The following ZNF341 variants were observed in gnomAD, a reference collection of about 807,000 sequenced individuals.
ZNF341 encodes zinc finger protein 341.
Under a neutral mutation model 87.7 loss-of-function variants are expected in ZNF341, and 52 were observed. The observed-to-expected ratio is 0.59, with a 90% CI of 0.47 to 0.75. The LOEUF is 0.75. Among genes scored for constraint, ZNF341 ranks in the 30% least tolerant of loss-of-function variants. ZNF341 has a pLI of 0.00. For missense variants in ZNF341, 977 were observed against 1,145.9 expected (o/e 0.85, Z 2.13); for synonymous variants, 459 against 472.7 (o/e 0.97, Z 0.38).
At chr20:33,739,337 C>CT (rs2018755785) in intron 1 of ZNF341, among the ~76,000 whole-genome samples, 1 of 152,146 alleles carries the variant, frequency 6.6e-6, no homozygotes, top group Non-Finnish European at 1.5e-5. Context: ...CCAGTAAAAG[C>CT]TGAGAGGTTG....
In ZNF341 at chr20:33,770,071, G is replaced by A. The variant is rs145682765; in HGVS notation, c.1414-13G>A. ...TCCTGCCTCCTGTCACCTGCCCAGC[G>A]TCTTCCCTCAAGGTGTACAAGTGTG... On this transcript the variant is annotated splice_polypyrimidine_tract_variant and intron_variant, in intron 9 of 14. Coordinates refer to ENST00000375200, the MANE Select transcript of ZNF341 (RefSeq NM_001282933.2). The A allele has an allele frequency of 4.8e-5, 77 of 1,607,790 alleles. No homozygotes were observed. The African/African-American group carries it at 6.0e-4, about 13-fold the overall frequency.
chr20:33,777,204 TC>T (rs2019645324), intron 10 of ZNF341, among the ~76,000 whole-genome samples: 1 of 143,946 alleles, frequency 6.9e-6, no homozygotes, highest in Non-Finnish European at 1.5e-5. Context: ...ATGCCTGTGG[TC>T]TCAGCTGCTC....
chr20:33,749,377 C>T (rs2019009175), intron 4 of ZNF341, among the ~76,000 whole-genome samples: 1 of 152,122 alleles, frequency 6.6e-6, no homozygotes, highest in Non-Finnish European at 1.5e-5. Context: ...ACTGCAACCT[C>T]TGCCTCCTGG....
chr20:33,764,562 T>TATATATATATATATATATA (rs1491532951), intron 8 of ZNF341, among the ~76,000 whole-genome samples: 108 of 40,132 alleles, frequency 2.7e-3, no homozygotes, highest in East Asian at 6.6e-3. Context: ...TATATATATA[T>TATATATATATATATATATA]TTTTTTTTTT....
At chr20:33,736,833 AC>A (rs780814990) in intron 1 of ZNF341, among the ~76,000 whole-genome samples, 1 of 151,922 alleles carries the variant, frequency 6.6e-6, no homozygotes, top group Non-Finnish European at 1.5e-5. Flanking sequence ...GAGAGCTTGA[AC>A]CCCAGGCTTG....
rs1441268063 is a variant in ZNF341 at position 33,783,808 on chromosome 20, G to A, written c.1796G>A (p.Cys599Tyr). The A allele has an allele frequency of 1.2e-6, 2 of 1,613,674 alleles. No homozygotes were observed. Among genetic ancestry groups the A allele is most frequent in the Admixed American group, 1.7e-5 (1 of 59,974 alleles). The change falls in exon 12 of 15, where the codon TGC becomes TAC. Residue 599 changes from cysteine to tyrosine, a missense_variant. By Grantham distance (194) the Cys-to-Tyr change is radical. Transcript: ENST00000375200. ...GGGGGCAGGTTCAAGTGCCAAGTGT[G>A]CAAGAAGTTCTTCCGGCGGGAGCAT... ...GSGGRFKCQV[C>Y]KKFFRREHYL...
At chr20:33,751,531 A>C (rs1311137845) in intron 4 of ZNF341, among the ~76,000 whole-genome samples, 3 of 152,078 alleles carry the variant, frequency 2.0e-5, no homozygotes, top group African/African-American at 7.2e-5. Context: ...CTACCCAGGG[A>C]AACACACTTC....
Position 33,732,122 on chromosome 20 carries a change from G to C in ZNF341, c.31+70G>C. The C allele has an allele frequency of 9.3e-7, 1 of 1,077,486 alleles. No homozygotes were observed. The highest frequency in any genetic ancestry group is 1.1e-6 in the Non-Finnish European group (1 of 887,800). The allele number at this position is 1,077,486 out of a possible 1,614,324, so 66.7% of individuals were successfully genotyped here. On this transcript the variant is annotated intron_variant, in intron 1 of 14. Transcript: ENST00000375200. The surrounding 1 kb of genome is among the most constrained non-coding windows in gnomAD (Gnocchi z 4.5). ...CCCCCTCCCGCCGCGCCCTCGCAGC[G>C]CCCGGCCTAGGGCGCGCAGCGGCCG...
chr20:33,758,480 G>A lies in ZNF341; in HGVS notation c.938-236G>A, dbSNP rs978438598. On this transcript the variant is annotated intron_variant, in intron 6 of 14. Transcript: ENST00000375200. ...CATGGCAAAGAGCGTGGATTTGATT[G>A]TAGGGCAGAGGGGAGCCTTTGAAGG... Among the ~76,000 whole-genome samples, 21 of 152,292 alleles carry A rather than the reference G, an allele frequency of 1.4e-4. 1 individual carries two copies. In the South Asian group the frequency reaches 3.5e-3, roughly 26 times the overall value.
intron 3 of ZNF341, among the ~76,000 whole-genome samples, chr20:33,745,932 T>C (rs1378617676): frequency 1.4e-5 from 2 of 147,002 alleles, no homozygotes; most frequent in Non-Finnish European, 3.0e-5. Context: ...TCTGGGCCTT[T>C]TTTTTTTTTT....
chr20:33,786,063 G>T (rs905236918), intron 12 of ZNF341, among the ~76,000 whole-genome samples: 4 of 128,362 alleles, frequency 3.1e-5, no homozygotes, highest in African/African-American at 9.2e-5. Flanking sequence ...AGACTGAATG[G>T]CACGATCTTG....
intron 7 of ZNF341, among the ~76,000 whole-genome samples, chr20:33,760,168 T>C (rs561067059): frequency 4.3e-4 from 66 of 152,256 alleles, no homozygotes; most frequent in African/African-American, 1.5e-3. Flanking sequence ...TTTGGGAGGC[T>C]GAGGTGGGTA....
chr20:33,786,222 T>A (rs1364438513), intron 12 of ZNF341, among the ~76,000 whole-genome samples: 1 of 152,014 alleles, frequency 6.6e-6, no homozygotes, highest in Admixed American at 6.6e-5. Context: ...CAGGCTGGTC[T>A]CGAACTCCTG....
At chr20:33,777,968 A>G (rs1490226781) in intron 10 of ZNF341, among the ~76,000 whole-genome samples, 1 of 152,120 alleles carries the variant, frequency 6.6e-6, no homozygotes, top group East Asian at 1.9e-4. Flanking sequence ...CAGGTCATGC[A>G]CTTTTGTCAG....
rs774633318 is a variant in ZNF341, at chr20:33,732,018, C to T, written c.-4C>T. On this transcript the variant is annotated 5_prime_UTR_variant, in exon 1 of 15. Transcript: ENST00000375200. The surrounding 1 kb of genome is among the most constrained non-coding windows in gnomAD (Gnocchi z 4.5). ...CCTGTGGCGGCGACGGCGGCGGCTC[C>T]AAGATGGCGCAGGCGATCTTTGAGG... 4.2e-6 allele frequency: 6 copies of T among 1,423,100 alleles called. No homozygotes were observed. Among genetic ancestry groups the T allele is most frequent in the Middle Eastern group, 2.1e-4 (1 of 4,700 alleles). The allele number at this position is 1,423,100 out of a possible 1,614,324, so 88.2% of individuals were successfully genotyped here.
At chr20:33,769,034 A>G (rs971256787) in intron 9 of ZNF341, among the ~76,000 whole-genome samples, 14 of 152,320 alleles carry the variant, frequency 9.2e-5, no homozygotes, top group African/African-American at 3.4e-4. Context: ...CAAATTACAT[A>G]CAAATCTGGT....
Position 33,761,981 on chromosome 20 carries a change from C to A in ZNF341, c.1148C>A (p.Thr383Asn), listed in dbSNP as rs1251276618. Residue 383 changes from threonine (T) to asparagine (N), a missense_variant, in exon 8 of 15, where the codon ACC (threonine) becomes AAC (asparagine). Physicochemically the swap from Thr to Asn is moderately conservative, Grantham distance 65. This residue lies in a region of ZNF341 where 515 missense variants were observed against 598.2 expected (regional missense o/e 0.86). Transcript: ENST00000375200. ...KVWPPGHSGG[T>N]VSRNSVTVQV... ...TGGCCTCCAGGACACAGTGGTGGCACCGTGTCTCGAAACTCTGTGACCGTA... is the reference window on the plus strand; with the variant it reads ...TGGCCTCCAGGACACAGTGGTGGCAACGTGTCTCGAAACTCTGTGACCGTA... The A allele has an allele frequency of 8.7e-6, 14 of 1,606,984 alleles. No individual in the cohort carries two copies. The highest frequency in any genetic ancestry group is 1.2e-5 in the Non-Finnish European group (14 of 1,174,898).
At chr20:33,746,947 C>G (rs1280673974) in intron 3 of ZNF341, among the ~76,000 whole-genome samples, 1 of 152,054 alleles carries the variant, frequency 6.6e-6, no homozygotes, top group Non-Finnish European at 1.5e-5. Flanking sequence ...AGTTGAGATG[C>G]CTGCCAACCT....
In ZNF341 at chr20:33,790,960, T is replaced by G. The variant is rs758663361; in HGVS notation, c.2036-28T>G. On this transcript the variant is annotated intron_variant, in intron 14 of 14. Transcript: ENST00000375200. ...TGTTGCGGGGTGAAGGTCTGGATGC[T>G]TCTCACTGACTTTCCCTTGCCCTCC... 5.2e-5 allele frequency: 83 copies of G among 1,592,336 alleles called. No homozygotes were observed. In the East Asian group the frequency reaches 1.8e-3, roughly 35 times the overall value.
Sources: allele counts gnomAD v4.1 joint callset (sites outside exome capture counted in the v4.1 genomes callset), GRCh38; gene constraint gnomAD v4.1.1; regional missense constraint gnomAD v4.1.1; non-coding constraint Gnocchi (gnomAD v3.1); transcripts MANE v1.5; gene names NCBI Gene and HGNC (gene_info 2026-07-23, HGNC 2026-07-21).